Variants in BECN1 observed in about 807,000 individuals in gnomAD.
The protein encoded by BECN1 is beclin-1.
A neutral mutation model predicts 60.1 loss-of-function variants in BECN1; 15 were observed. The ratio of observed to expected loss-of-function variants is 0.25; its 90% CI spans 0.17 to 0.38. The LOEUF is 0.38. BECN1 is among the 10% of genes least tolerant of loss of function. The pLI is 1.00. For synonymous variants in BECN1, 179 were observed against 201.8 expected, an observed-to-expected ratio of 0.89 and a Z score of 0.96; for missense variants, 424 against 548.2, an observed-to-expected ratio of 0.77 and a Z score of 2.26.
At chr17:42,819,060 C>T (rs1475936630) in intron 4 of BECN1, 183 bp from the exon 5 acceptor site, 1 of 624,292 alleles carries the variant, frequency 1.6e-6, no homozygotes, top group Non-Finnish European at 2.7e-6. Context: ...GCTGGTCTTC[C>T]ACAGGGACAC....
At position 42,814,665 on chromosome 17, in the gene BECN1, C is replaced by A; in HGVS notation, c.839G>T (p.Gly280Val). The change falls in exon 9 of 12, where the codon GGA becomes GTA. Residue 280 changes from glycine to valine, a missense_variant. By Grantham distance (109) the Gly-to-Val change is moderately radical. Around this residue, in one of 3 missense-constraint regions of BECN1, gnomAD observed 326 missense variants for 406.2 expected, o/e 0.80. Coordinates refer to ENST00000590099, the MANE Select transcript of BECN1 (RefSeq NM_001313998.2). ...FNATFHIWHS[G>V]QFGTINNFRL... ...GAAGTTATTGATTGTGCCAAACTGT[C>A]CACTGTGCCTACAGAGGAAGGCAGA... 1 of 1,614,102 alleles carries A rather than the reference C, an allele frequency of 6.2e-7. No individual in the cohort carries two copies. The highest frequency in any genetic ancestry group is 8.5e-7 in the Non-Finnish European group (1 of 1,180,030).
At chr17:42,820,663 A>G (rs942302012) in intron 3 of BECN1, 111 bp downstream of exon 3, 10 of 1,094,464 alleles carry the variant, frequency 9.1e-6, no homozygotes, top group Non-Finnish European at 1.3e-5. Context: ...GGAGCTCTAG[A>G]AGCGCCAAGT....
chr17:42,813,108 T>C (rs2144158270), intron 10 of BECN1, among the ~76,000 whole-genome samples: 1 of 150,972 alleles, frequency 6.6e-6, no homozygotes, highest in Admixed American at 6.6e-5. Context: ...CCTCCCAAAG[T>C]GCTGGGATTA....
At chr17:42,823,910 G>C (rs766117081) in intron 1 of BECN1, 31 bp from the exon 2 acceptor site, 1 of 1,605,888 alleles carries the variant, frequency 6.2e-7, no homozygotes, top group South Asian at 1.1e-5. Context: ...CAACATTAGG[G>C]AGAAGCGACG....
chr17:42,815,641 G>A (rs1490987781), intron 8 of BECN1: 2 of 499,628 alleles, frequency 4.0e-6, no homozygotes, highest in Admixed American at 7.3e-5. Flanking sequence ...AAACACCGTG[G>A]GGATAAGAAA....
chr17:42,812,003 A>G, intron 10 of BECN1: 5 of 555,016 alleles, frequency 9.0e-6, no homozygotes, highest in Non-Finnish European at 1.5e-5. Flanking sequence ...TTCACTATCA[A>G]TGAAAATGTA....
intron 7 of BECN1, 117 bp downstream of exon 7, chr17:42,818,104 G>A: frequency 9.2e-7 from 1 of 1,088,402 alleles, no homozygotes; most frequent in Non-Finnish European, 1.3e-6. Flanking sequence ...ATCTGGGGCA[G>A]GCATGCTGCT....
intron 10 of BECN1, 72 bp from the exon 11 acceptor site, chr17:42,811,869 T>C: frequency 6.5e-7 from 1 of 1,535,856 alleles, no homozygotes; most frequent in African/African-American, 1.4e-5. Flanking sequence ...CCCAATCCTA[T>C]CAATCTCTCA....
chr17:42,811,872 A>C (rs893031773), intron 10 of BECN1, 75 bp from the exon 11 acceptor site: 14 of 1,533,674 alleles, frequency 9.1e-6, no homozygotes, highest in Non-Finnish European at 1.2e-5. Flanking sequence ...AATCCTATCA[A>C]TCTCTCAAGT....
intron 3 of BECN1, 107 bp downstream of exon 3, chr17:42,820,667 G>A (rs544456967): frequency 1.7e-4 from 191 of 1,155,150 alleles, no homozygotes; most frequent in South Asian, 3.9e-4. Flanking sequence ...CTCTAGAAGC[G>A]CCAAGTAGCC....
chr17:42,822,140 T>C (rs997901726), intron 2 of BECN1, among the ~76,000 whole-genome samples: 4 of 152,058 alleles, frequency 2.6e-5, no homozygotes, highest in Non-Finnish European at 4.4e-5. Context: ...GAGGCAGAGG[T>C]TGCAGTGAGC....
At position 42,817,577 on chromosome 17, in the gene BECN1, C is replaced by CT. The variant is rs535682536; in HGVS notation, c.683+643dup. Among the ~76,000 whole-genome samples, 15 of 152,324 alleles carry CT rather than the reference C, an allele frequency of 9.8e-5. 1 individual carries two copies. The South Asian group carries it at 2.9e-3, about 29-fold the overall frequency. On this transcript the variant is annotated intron_variant, in intron 7 of 11. Transcript: ENST00000590099. The stretch of plus-strand genomic sequence containing the variant: ...TATTTTTTGAGACAGGGTCTCAACT[C>CT]TGTTGCCCAAGCTGGAGTGCAGAGG...
chr17:42,811,643 C>T lies in BECN1; in HGVS notation c.1184+12G>A, dbSNP rs371703211. ...TCCTATACAAGTTCACTCAGCATTGCGCTATACTGACCTGTAGGGAAGACA... is the reference window on the plus strand; with the variant it reads ...TCCTATACAAGTTCACTCAGCATTGTGCTATACTGACCTGTAGGGAAGACA... On this transcript the variant is annotated intron_variant, in intron 11 of 11. Transcript: ENST00000590099. The T allele has an allele frequency of 1.1e-5, 17 of 1,612,044 alleles. No homozygotes were observed. Among genetic ancestry groups the T allele is most frequent in the East Asian group, 2.2e-5 (1 of 44,880 alleles).
At position 42,824,061 on chromosome 17, in the gene BECN1, T is replaced by C. The variant is rs908254887; in HGVS notation, c.-3+94A>G. ...CGGGACAGCCTGAGCAAAGGCAGTT[T>C]AGAGCCCAGGGTCAGGGAAGGGACT... On this transcript the variant is annotated intron_variant, in intron 1 of 11. Coordinates refer to ENST00000590099, the MANE Select transcript of BECN1 (RefSeq NM_001313998.2). 4.1e-6 allele frequency: 3 copies of C among 726,994 alleles called. No homozygotes were observed. The African/African-American group carries it at 5.4e-5, about 13-fold the overall frequency. The allele number at this position is 726,994 out of a possible 1,614,324, so 45.0% of individuals were successfully genotyped here. A position where few individuals can be genotyped will look rare whatever the true frequency, so the allele number is the denominator to read the frequency against.
Position 42,818,480 on chromosome 17 carries a change from T to C in BECN1, c.488+64A>G, listed in dbSNP as rs181640161. 7.6e-4 allele frequency: 1,232 copies of C among 1,612,520 alleles called. 12 individuals carry two copies. The African/African-American group carries it at 0.015, about 19-fold the overall frequency. ...ATTTGCCTGAGTGGAGTACGGCTCTTGGGTAAGGGCCAAGCAGTCTCAGAG... is the reference window on the plus strand; with the variant it reads ...ATTTGCCTGAGTGGAGTACGGCTCTCGGGTAAGGGCCAAGCAGTCTCAGAG... On this transcript the variant is annotated intron_variant, in intron 6 of 11. Transcript: ENST00000590099.
At position 42,818,725 on chromosome 17, in the gene BECN1, T is replaced by C. The variant is rs772650577; in HGVS notation, c.352-45A>G. Reference sequence around the variant, plus strand: ...AGGGTAGGGCCTCCCCCATGCTTCCTGCTCAATTACCCACTCTCCCAGCCA... The same window carrying C: ...AGGGTAGGGCCTCCCCCATGCTTCCCGCTCAATTACCCACTCTCCCAGCCA... On this transcript the variant is annotated intron_variant, in intron 5 of 11. Transcript: ENST00000590099. The C allele has an allele frequency of 5.6e-6, 9 of 1,613,982 alleles. No homozygotes were observed. The East Asian group carries it at 2.0e-4, about 36-fold the overall frequency.
Position 42,819,621 on chromosome 17 carries a change from A to C in BECN1, c.199-12T>G. The C allele has an allele frequency of 6.2e-7, 1 of 1,612,924 alleles. No homozygotes were observed. The highest frequency in any genetic ancestry group is 2.2e-5 in the East Asian group (1 of 44,872). ...TCAATAAATGGCTCCTGGGAAAGAA[A>C]TAAGAGGGCATTACAACTCTGGCAG... is the stretch of plus-strand genomic sequence containing the variant. On this transcript the variant is annotated splice_polypyrimidine_tract_variant and intron_variant, in intron 3 of 11. Coordinates refer to ENST00000590099, the MANE Select transcript of BECN1 (RefSeq NM_001313998.2).
Position 42,810,888 on chromosome 17 carries a change from T to G in BECN1, c.1225A>C (p.Ser409Arg), listed in dbSNP as rs751161673. 1.2e-6 allele frequency: 2 copies of G among 1,612,692 alleles called. No individual in the cohort carries two copies. Among genetic ancestry groups the G allele is most frequent in the African/African-American group, 2.7e-5 (2 of 74,870 alleles). The stretch of plus-strand genomic sequence containing the variant: ...GTTTTGATGGAATAGGAGCCGCCAC[T>G]GCCTCCTGTGTCTTCAATCTTGCCT... Reference protein sequence around the residue: ...EKGKIEDTGGSGGSYSIKTQF... With the variant: ...EKGKIEDTGGRGGSYSIKTQF... The change falls in exon 12 of 12, where the codon AGT becomes CGT. Residue 409 changes from serine to arginine, a missense_variant. Around this residue, in one of 3 missense-constraint regions of BECN1, gnomAD observed 326 missense variants for 406.2 expected, o/e 0.80. Coordinates refer to ENST00000590099, the MANE Select transcript of BECN1 (RefSeq NM_001313998.2).
intron 10 of BECN1, chr17:42,812,895 C>A (rs1472191529): frequency 1.7e-5 from 2 of 116,390 alleles, no homozygotes; most frequent in African/African-American, 6.7e-5. Flanking sequence ...AGTGCAGTGG[C>A]GCAATCTCGG....
Sources: allele counts gnomAD v4.1 joint callset (sites outside exome capture counted in the v4.1 genomes callset), GRCh38; gene constraint gnomAD v4.1.1; regional missense constraint gnomAD v4.1.1; transcripts MANE v1.5; gene names NCBI Gene and HGNC (gene_info 2026-07-23, HGNC 2026-07-21).